The following SGCZ variants were observed in gnomAD, a reference collection of about 807,000 sequenced individuals.
SGCZ encodes zeta-sarcoglycan.
In SGCZ, 40 loss-of-function variants were observed where a neutral mutation model predicts 41.3. That is an observed-to-expected ratio of 0.97 (90% CI 0.75 to 1.26). SGCZ has a LOEUF of 1.26. SGCZ is among the 50% of genes most tolerant of loss of function. The pLI is 0.00. For synonymous variants in SGCZ, 206 were observed against 137.5 expected (o/e 1.50, Z -3.49); for missense variants, 552 against 369.8 (o/e 1.49, Z -4.04).
intron 6 of SGCZ, among the ~76,000 whole-genome samples, chr8:14,102,808 AG>A (rs1439972645): frequency 6.6e-6 from 1 of 152,120 alleles, no homozygotes; most frequent in African/African-American, 2.4e-5. Flanking sequence ...GCTCATGAAA[AG>A]TAGGGTGTGA....
chr8:14,167,359 G>C (rs1311838610), intron 4 of SGCZ, among the ~76,000 whole-genome samples: 1 of 152,102 alleles, frequency 6.6e-6, no homozygotes, highest in Non-Finnish European at 1.5e-5. Flanking sequence ...AGTGTTGCAG[G>C]AAAGCAATGT....
At chr8:15,098,493 T>G (rs1246702998) in intron 1 of SGCZ, among the ~76,000 whole-genome samples, 1 of 152,204 alleles carries the variant, frequency 6.6e-6, no homozygotes, top group Admixed American at 6.5e-5. Context: ...ACTCTTTTGC[T>G]CCACAATTTA....
At chr8:14,558,252 T>C (rs1300794435) in intron 1 of SGCZ, among the ~76,000 whole-genome samples, 1 of 152,074 alleles carries the variant, frequency 6.6e-6, no homozygotes, top group Admixed American at 6.6e-5. Context: ...AGAATTGGTA[T>C]CAATCCTGTT....
At chr8:14,732,824 A>AG (rs1446871119) in intron 1 of SGCZ, among the ~76,000 whole-genome samples, 2 of 152,200 alleles carry the variant, frequency 1.3e-5, no homozygotes, top group Non-Finnish European at 2.9e-5. Context: ...CTTTAAAAAA[A>AG]AGACATAACT....
In SGCZ at chr8:14,735,735, G is replaced by C. The variant is rs1206685777; in HGVS notation, c.40-180809C>G. ...TCTGTCCTGTTACTTCCTCCCTCTG[G>C]AGAATCCTGACTGATACATACCTAC... is the stretch of plus-strand genomic sequence containing the variant. On this transcript the variant is annotated intron_variant, in intron 1 of 7. Transcript: ENST00000382080. Among the ~76,000 whole-genome samples, 6 of 151,974 alleles carry C rather than the reference G, an allele frequency of 3.9e-5. No homozygotes were observed. The South Asian group carries it at 1.0e-3, about 26-fold the overall frequency.
chr8:15,099,387 A>G (rs1364473394), intron 1 of SGCZ, among the ~76,000 whole-genome samples: 1 of 152,198 alleles, frequency 6.6e-6, no homozygotes, highest in African/African-American at 2.4e-5. Flanking sequence ...GATGAAATGG[A>G]CAAATTCTTG....
chr8:15,089,437 C>A (rs1477026548), intron 1 of SGCZ, among the ~76,000 whole-genome samples: 2 of 152,018 alleles, frequency 1.3e-5, no homozygotes, highest in Non-Finnish European at 2.9e-5. Flanking sequence ...CTGAAGGCTG[C>A]TGTACAGTAG....
chr8:14,847,519 G>T (rs1585315109), intron 1 of SGCZ, among the ~76,000 whole-genome samples: 1 of 151,420 alleles, frequency 6.6e-6, no homozygotes, highest in South Asian at 2.1e-4. Context: ...AAAAAAAAAG[G>T]AAATACATAA....
At chr8:14,482,478 A>G (rs5023503) in intron 2 of SGCZ, among the ~76,000 whole-genome samples, 36,613 of 152,036 alleles carry the variant, frequency 0.24, 5,396 homozygotes, top group Non-Finnish European at 0.33. Flanking sequence ...TCTCAGAAAC[A>G]AAATCATTTT....
chr8:14,798,537 A>C (rs1327548327), intron 1 of SGCZ, among the ~76,000 whole-genome samples: 1 of 152,210 alleles, frequency 6.6e-6, no homozygotes, highest in African/African-American at 2.4e-5. Flanking sequence ...AAAGAAAAAA[A>C]GCAAGACTTT....
chr8:14,702,770 TAGATAGATAGAC>T (rs879495064), intron 1 of SGCZ, among the ~76,000 whole-genome samples: 4,299 of 138,956 alleles, frequency 0.031, 95 homozygotes, highest in Middle Eastern at 0.052. Context: ...GATAGATAGA[TAGATAGATAGAC>T]AGACAGACAG....
chr8:14,606,695 G>T (rs1187039722), intron 1 of SGCZ, among the ~76,000 whole-genome samples: 1 of 152,102 alleles, frequency 6.6e-6, no homozygotes, highest in African/African-American at 2.4e-5. Context: ...CAGGTATTTT[G>T]TTCACCACAG....
At chr8:14,256,802 A>G (rs1799481763) in intron 3 of SGCZ, among the ~76,000 whole-genome samples, 1 of 152,200 alleles carries the variant, frequency 6.6e-6, no homozygotes, top group Non-Finnish European at 1.5e-5. Flanking sequence ...CCGGGTTCAC[A>G]GAAGCTATAT....
chr8:14,652,351 G>T (rs1458237117), intron 1 of SGCZ, among the ~76,000 whole-genome samples: 2 of 102,696 alleles, frequency 1.9e-5, no homozygotes, highest in Non-Finnish European at 4.4e-5. Flanking sequence ...AAAAAAGGGG[G>T]GGGTGTGGGG....
intron 1 of SGCZ, among the ~76,000 whole-genome samples, chr8:14,705,677 G>A (rs1412372586): frequency 6.6e-6 from 1 of 152,014 alleles, no homozygotes; most frequent in Non-Finnish European, 1.5e-5. Context: ...AGTCATTGAT[G>A]TCTTCAGATT....
At chr8:14,549,993 A>T (rs1368736341) in intron 2 of SGCZ, among the ~76,000 whole-genome samples, 1 of 152,034 alleles carries the variant, frequency 6.6e-6, no homozygotes, top group South Asian at 2.1e-4. Context: ...TGGGGAAAAA[A>T]AGGTGGCATT....
At chr8:15,106,006 G>A (rs757002308) in intron 1 of SGCZ, among the ~76,000 whole-genome samples, 21 of 152,052 alleles carry the variant, frequency 1.4e-4, no homozygotes, top group Non-Finnish European at 2.2e-4. Context: ...GGACTATCTT[G>A]ACTAGTTCTG....
rs935771927 is a variant in SGCZ, at chr8:14,237,825, T to C, written c.337-146A>G. 16 of 629,594 alleles carry C rather than the reference T, an allele frequency of 2.5e-5. No individual in the cohort carries two copies. In the African/African-American group the frequency reaches 2.6e-4, roughly 10 times the overall value. 39.0% of individuals were successfully genotyped at this position (629,594 alleles called of 1,614,324 possible). On this transcript the variant is annotated intron_variant, in intron 3 of 7. Transcript: ENST00000382080. ...GTTAATTTAACGTCCCAATCATTGG[T>C]GGACAATGTACAAAACTGAGAGCCT... is the stretch of plus-strand genomic sequence containing the variant.
chr8:14,425,159 G>C (rs1799743670), intron 2 of SGCZ, among the ~76,000 whole-genome samples: 1 of 152,094 alleles, frequency 6.6e-6, no homozygotes, highest in African/African-American at 2.4e-5. Context: ...GTGAAGTGAA[G>C]CACTCCAGGG....
Sources: allele counts gnomAD v4.1 joint callset (sites outside exome capture counted in the v4.1 genomes callset), GRCh38; gene constraint gnomAD v4.1.1; transcripts MANE v1.5; gene names NCBI Gene and HGNC (gene_info 2026-07-23, HGNC 2026-07-21).